The following FSIP2 variants were observed in gnomAD, a reference collection of about 807,000 sequenced individuals.
FSIP2 encodes fibrous sheath-interacting protein 2.
Under a neutral mutation model 510.5 loss-of-function variants are expected in FSIP2, and 367 were observed. The ratio of observed to expected loss-of-function variants is 0.72; its 90% CI spans 0.66 to 0.78. FSIP2 has a LOEUF of 0.78. Among genes scored for constraint, FSIP2 ranks in the 30% least tolerant of loss-of-function variants. The probability of loss-of-function intolerance (pLI) is 0.00; values close to 1 mark genes in which losing one functional copy is unlikely to be tolerated. For synonymous variants in FSIP2, 2,601 were observed against 2,732.2 expected (o/e 0.95, Z 1.50); for missense variants, 7,594 against 7,901.7 (o/e 0.96, Z 1.48).
At chr2:185,781,336 G>A (rs1692844910) in intron 13 of FSIP2, among the ~76,000 whole-genome samples, 1 of 152,136 alleles carries the variant, frequency 6.6e-6, no homozygotes. Context: ...GTAAGCTAAT[G>A]TAAATGTTCA....
rs770785148 is a variant in FSIP2, at chr2:185,806,655, C to T, written c.17349C>T (p.Pro5783=). 1.1e-4 allele frequency: 179 copies of T among 1,602,992 alleles called. 1 individual carries two copies. In the South Asian group the frequency reaches 1.6e-3, roughly 14 times the overall value. The change falls in exon 17 of 23, where the codon CCC becomes CCT. Residue 5783 remains proline, a synonymous_variant. Transcript: ENST00000424728. ...NQRESKPGIF[P]AKFLEDVITE... ...GAGAAAGTAAACCTGGAATTTTTCC[C>T]GCTAAGTTTTTAGAAGATGTTATTA...
intron 22 of FSIP2, 87 bp from the exon 23 acceptor site, chr2:185,833,003 C>A: frequency 8.6e-7 from 1 of 1,168,868 alleles, no homozygotes; most frequent in Non-Finnish European, 1.3e-6. Flanking sequence ...AGCTGGGCCA[C>A]CTTTTACTCA....
chr2:185,758,500 ATGT>A (rs1444010318), intron 9 of FSIP2, among the ~76,000 whole-genome samples: 2 of 151,362 alleles, frequency 1.3e-5, no homozygotes, highest in African/African-American at 4.8e-5. Context: ...AGAAAAGAAA[ATGT>A]TATTAAATTG....
chr2:185,759,110 AAAAC>A (rs1442836215), intron 9 of FSIP2, among the ~76,000 whole-genome samples: 10 of 151,092 alleles, frequency 6.6e-5, no homozygotes, highest in African/African-American at 2.4e-4. Flanking sequence ...ATATTGTTCC[AAAAC>A]ATAAGGGAAA....
At position 185,808,038 on chromosome 2, in the gene FSIP2, T is replaced by G; in HGVS notation, c.18732T>G (p.Ala6244=). ...AGGAATCACCTACTGTGCCTGTAGCTGATAATGCAACTATTGAAAACATAG... is the reference window on the plus strand; with the variant it reads ...AGGAATCACCTACTGTGCCTGTAGCGGATAATGCAACTATTGAAAACATAG... The part of the protein sequence containing the change: ...PTKESPTVPV[A]DNATIENIVN... Residue 6244 remains alanine, a synonymous_variant, in exon 17 of 23, where the codon GCT becomes GCG. Coordinates refer to ENST00000424728, the MANE Select transcript of FSIP2 (RefSeq NM_173651.4). The G allele has an allele frequency of 6.2e-7, 1 of 1,611,480 alleles. No individual in the cohort carries two copies. The highest frequency in any genetic ancestry group is 1.1e-5 in the South Asian group (1 of 90,622).
intron 8 of FSIP2, among the ~76,000 whole-genome samples, chr2:185,755,798 A>G (rs1692235300): frequency 6.6e-6 from 1 of 151,490 alleles, no homozygotes; most frequent in African/African-American, 2.4e-5. Flanking sequence ...AAAGAAGGGA[A>G]TATATATGTG....
intron 13 of FSIP2, among the ~76,000 whole-genome samples, chr2:185,776,656 GTGATA>G (rs1419981745): frequency 1.3e-5 from 2 of 152,088 alleles, no homozygotes; most frequent in African/African-American, 2.4e-5. Flanking sequence ...AGCAAAATAT[GTGATA>G]TGATATATGA....
intron 16 of FSIP2, among the ~76,000 whole-genome samples, chr2:185,799,163 A>G (rs1693365608): frequency 6.6e-6 from 1 of 151,834 alleles, no homozygotes; most frequent in African/African-American, 2.4e-5. Flanking sequence ...GACAAACTAT[A>G]ATCTAGGGAC....
In FSIP2 at chr2:185,795,027, G is replaced by A. The variant is rs1559029045; in HGVS notation, c.7891G>A (p.Asp2631Asn). The A allele has an allele frequency of 6.5e-7, 1 of 1,533,834 alleles. No individual in the cohort carries two copies. The highest frequency in any genetic ancestry group is 1.2e-5 in the South Asian group (1 of 83,752). The change falls in exon 16 of 23, where the codon GAC becomes AAC. Residue 2631 changes from aspartate (D) to asparagine (N), a missense_variant. Coordinates refer to ENST00000424728, the MANE Select transcript of FSIP2 (RefSeq NM_173651.4). ...LPYLPLQVKK[D>N]LIQMVLNKIT... Reference sequence around the variant, plus strand: ...ATATTTACCATTGCAAGTGAAGAAAGACTTAATTCAAATGGTTCTCAATAA... The same window carrying A: ...ATATTTACCATTGCAAGTGAAGAAAAACTTAATTCAAATGGTTCTCAATAA...
intron 21 of FSIP2, among the ~76,000 whole-genome samples, chr2:185,831,458 T>C (rs1348175771): frequency 6.6e-6 from 1 of 151,924 alleles, no homozygotes; most frequent in Non-Finnish European, 1.5e-5. Context: ...CCCCTTATTA[T>C]TACATCTTTT....
At chr2:185,820,696 C>G (rs1357451140) in intron 19 of FSIP2, among the ~76,000 whole-genome samples, 1 of 151,240 alleles carries the variant, frequency 6.6e-6, no homozygotes, top group Non-Finnish European at 1.5e-5. Flanking sequence ...CAAAAACACC[C>G]TCAAATATGT....
chr2:185,759,682 ATTTG>A (rs2105554446), intron 9 of FSIP2, among the ~76,000 whole-genome samples: 1 of 146,734 alleles, frequency 6.8e-6, no homozygotes, highest in Non-Finnish European at 1.5e-5. Flanking sequence ...AATATTTATT[ATTTG>A]TTTTGTTTAT....
At chr2:185,767,335 A>T (rs1169029871) in intron 13 of FSIP2, among the ~76,000 whole-genome samples, 1 of 151,942 alleles carries the variant, frequency 6.6e-6, no homozygotes, top group African/African-American at 2.4e-5. Flanking sequence ...TAAAAATAAA[A>T]AAATAAAAAA....
In FSIP2 at chr2:185,797,209, C is replaced by A. The variant is rs1693309865; in HGVS notation, c.10073C>A (p.Pro3358Gln). 6.5e-7 allele frequency: 1 copy of A among 1,534,690 alleles called. No homozygotes were observed. Among genetic ancestry groups the A allele is most frequent in the Non-Finnish European group, 8.7e-7 (1 of 1,146,176 alleles). ...AATGAGAACAGGGAAATAATGAAAC[C>A]ATTTTTCATATCAAAACAAAGCTCT... is the stretch of plus-strand genomic sequence containing the variant. ...HTNENREIMK[P>Q]FFISKQSSLS... The change falls in exon 16 of 23, where the codon CCA becomes CAA. Residue 3358 changes from proline (P) to glutamine (Q), a missense_variant. By Grantham distance (76) the Pro-to-Gln change is moderately conservative. Coordinates refer to ENST00000424728, the MANE Select transcript of FSIP2 (RefSeq NM_173651.4).
Position 185,804,777 on chromosome 2 carries a change from G to C in FSIP2, c.15471G>C (p.Leu5157Phe), listed in dbSNP as rs1333864361. 2.0e-6 allele frequency: 3 copies of C among 1,532,040 alleles called. No individual in the cohort carries two copies. The highest frequency in any genetic ancestry group is 4.9e-5 in the East Asian group (2 of 40,830). The allele number at this position is 1,532,040 out of a possible 1,614,324, so 94.9% of individuals were successfully genotyped here. A position where few individuals can be genotyped will look rare whatever the true frequency, so the allele number is the denominator to read the frequency against. ...AATTTGTGGAGGCAGCTTCAAAATT[G>C]ACTGATGAAATTATAAAAGAAATTT... is the stretch of plus-strand genomic sequence containing the variant. Reference protein sequence around the residue: ...DDEFVEAASKLTDEIIKEISE... With the variant: ...DDEFVEAASKFTDEIIKEISE... Residue 5157 changes from leucine (L) to phenylalanine (F), a missense_variant, in exon 17 of 23, where the codon TTG becomes TTC. Leu to Phe is a conservative substitution (Grantham distance 22). Transcript: ENST00000424728.
At chr2:185,814,234 AG>A (rs1245446661) in intron 18 of FSIP2, among the ~76,000 whole-genome samples, 192 bp downstream of exon 18, 2 of 152,030 alleles carry the variant, frequency 1.3e-5, no homozygotes, top group African/African-American at 2.4e-5. Context: ...AGCAGGTAAT[AG>A]GGGAAAAACT....
Position 185,795,183 on chromosome 2 carries a change from G to C in FSIP2, c.8047G>C (p.Gly2683Arg). Residue 2683 changes from glycine to arginine, a missense_variant, in exon 16 of 23, where the codon GGA becomes CGA. Gly to Arg is a moderately radical substitution (Grantham distance 125, BLOSUM62 -2). Coordinates refer to ENST00000424728, the MANE Select transcript of FSIP2 (RefSeq NM_173651.4). Reference protein sequence around the residue: ...LPKFTKKTHLGLSAAKAKSKT... With the variant: ...LPKFTKKTHLRLSAAKAKSKT... ...TAAATTTACAAAAAAAACACACTTA[G>C]GACTGAGTGCTGCTAAGGCCAAAAG... The C allele has an allele frequency of 2.0e-6, 3 of 1,534,818 alleles. No homozygotes were observed. The highest frequency in any genetic ancestry group is 1.2e-5 in the South Asian group (1 of 84,028).
Position 185,808,365 on chromosome 2 carries a change from C to T in FSIP2, c.19059C>T (p.Ala6353=), listed in dbSNP as rs780922187. 1 of 1,611,492 alleles carries T rather than the reference C, an allele frequency of 6.2e-7. No individual in the cohort carries two copies. Among genetic ancestry groups the T allele is most frequent in the South Asian group, 1.1e-5 (1 of 90,844 alleles). ...CCAAACTTTTAGAAGAGGTGTTGGCCTTGTTCTTGGCTAAACTAATAAGGT... is the reference window on the plus strand; with the variant it reads ...CCAAACTTTTAGAAGAGGTGTTGGCTTTGTTCTTGGCTAAACTAATAAGGT... ...LDAKLLEEVL[A]LFLAKLIRLP... The change falls in exon 17 of 23, where the codon GCC becomes GCT. Residue 6353 remains alanine, a synonymous_variant. Transcript: ENST00000424728.
At position 185,739,339 on chromosome 2, in the gene FSIP2, C is replaced by T; in HGVS notation, c.100-7C>T. 6.6e-7 allele frequency: 1 copy of T among 1,521,742 alleles called. No individual in the cohort carries two copies. The highest frequency in any genetic ancestry group is 1.2e-5 in the South Asian group (1 of 82,264). The allele number at this position is 1,521,742 out of a possible 1,614,324, so 94.3% of individuals were successfully genotyped here. On this transcript the variant is annotated splice_region_variant and splice_polypyrimidine_tract_variant and intron_variant, in intron 1 of 22. Coordinates refer to ENST00000424728, the MANE Select transcript of FSIP2 (RefSeq NM_173651.4). The stretch of plus-strand genomic sequence containing the variant: ...GAAAGACAAAACTCTCCAATTGTGT[C>T]TGACAGGGCGTGCACAAAACCCACT...
Sources: gnomAD v4.1 joint callset for allele counts (sites outside exome capture counted in the v4.1 genomes callset) on GRCh38, gnomAD v4.1.1 for gene constraint, MANE v1.5 for transcripts, NCBI Gene and HGNC (gene_info 2026-07-23, HGNC 2026-07-21) for gene names.